Variants in PIKFYVE observed in about 807,000 individuals in gnomAD.
The protein encoded by PIKFYVE is phosphoinositide kinase, FYVE-type zinc finger containing.
Under a neutral mutation model 257.9 loss-of-function variants are expected in PIKFYVE, and 122 were observed. The observed-to-expected ratio is 0.47, with a 90% CI of 0.41 to 0.55. The LOEUF is 0.55. Ranked by LOEUF, PIKFYVE falls within the 20% of genes least tolerant of loss-of-function variation. The pLI is 0.00. For synonymous variants in PIKFYVE, 892 were observed against 868.9 expected, an observed-to-expected ratio of 1.03 and a Z score of -0.47; for missense variants, 2,160 against 2,536.6, an observed-to-expected ratio of 0.85 and a Z score of 3.19.
rs6713613 is a variant in PIKFYVE at position 208,334,200 on chromosome 2, A to G, written c.4142+707A>G. 4.8e-3 allele frequency among the ~76,000 whole-genome samples: 724 copies of G among 152,254 alleles called. 4 individuals are homozygous for G. Among genetic ancestry groups the G allele is most frequent in the African/African-American group, 0.016 (685 of 41,546 alleles). On this transcript the variant is annotated intron_variant, in intron 24 of 41. Coordinates refer to ENST00000264380, the MANE Select transcript of PIKFYVE (RefSeq NM_015040.4). ...TACCACTTTGGGCTGAGCCTCTGTT[A>G]TCTTTCACCTGGATTATTGTAGTAG...
In PIKFYVE at chr2:208,339,513, G is replaced by A; in HGVS notation, c.4768G>A (p.Val1590Met). 1.2e-6 allele frequency: 2 copies of A among 1,614,170 alleles called. No individual in the cohort carries two copies. Among genetic ancestry groups the A allele is most frequent in the Non-Finnish European group, 1.7e-6 (2 of 1,180,038 alleles). ...ACCTGAAGTCATGTCTGAACAGTCA[G>A]TGGGAGGGCCCCCTGAGCTAGATAC... ...TPPEVMSEQSVGGPPELDTAS... is the reference protein window; with the variant it reads ...TPPEVMSEQSMGGPPELDTAS... The change falls in exon 30 of 42, where the codon GTG becomes ATG. Residue 1590 changes from valine to methionine, a missense_variant. This residue lies in a region of PIKFYVE where 699 missense variants were observed against 855.8 expected (regional missense o/e 0.82). Transcript: ENST00000264380.
At chr2:208,304,525 A>G (rs551091782) in intron 11 of PIKFYVE, among the ~76,000 whole-genome samples, 11 of 152,354 alleles carry the variant, frequency 7.2e-5, no homozygotes, top group African/African-American at 2.2e-4. Flanking sequence ...ACCATAGTCT[A>G]TAGTTTGTAG....
upstream of PIKFYVE, chr2:208,266,152 C>G (rs1044906796): frequency 1.3e-5 from 2 of 152,370 alleles, no homozygotes; most frequent in African/African-American, 4.8e-5. Context: ...TCTGCCTGAG[C>G]ATCTGATCCG....
At chr2:208,353,861 C>T in intron 39 of PIKFYVE, 37 bp from the exon 40 acceptor site, 1 of 1,611,236 alleles carries the variant, frequency 6.2e-7, no homozygotes, top group South Asian at 1.1e-5. Flanking sequence ...TTTGTGGCAA[C>T]CTGTACATAA....
chr2:208,287,602 A>T (rs1174717975), intron 6 of PIKFYVE, among the ~76,000 whole-genome samples: 2 of 150,294 alleles, frequency 1.3e-5, no homozygotes, highest in Non-Finnish European at 3.0e-5. Context: ...ATTAGTTTTT[A>T]TTTATTTATT....
chr2:208,267,738 C>T (rs1688843055), intron 1 of PIKFYVE, among the ~76,000 whole-genome samples: 1 of 152,134 alleles, frequency 6.6e-6, no homozygotes, highest in South Asian at 2.1e-4. Flanking sequence ...AATTCCTGAC[C>T]TCAGGCGATT....
chr2:208,335,230 G>C, intron 24 of PIKFYVE, 76 bp from the exon 25 acceptor site: 1 of 980,738 alleles, frequency 1.0e-6, no homozygotes, highest in South Asian at 1.3e-5. Context: ...GAATATAGTT[G>C]AACATCATGA....
rs138512522 is a variant in PIKFYVE at position 208,297,503 on chromosome 2, A to G, written c.912-1138A>G. Among the ~76,000 whole-genome samples the G allele has an allele frequency of 4.6e-3, 699 of 152,296 alleles. 7 individuals carry two copies. Among genetic ancestry groups the G allele is most frequent in the African/African-American group, 0.016 (653 of 41,578 alleles). ...ATTTTTATCTTTATACTGGGGAAAT[A>G]TTGGTTTTTCAATTGACACCTAATT... On this transcript the variant is annotated intron_variant, in intron 7 of 41. Coordinates refer to ENST00000264380, the MANE Select transcript of PIKFYVE (RefSeq NM_015040.4).
At chr2:208,272,900 C>T (rs1370520963) in intron 2 of PIKFYVE, among the ~76,000 whole-genome samples, 2 of 152,090 alleles carry the variant, frequency 1.3e-5, no homozygotes, top group Admixed American at 6.5e-5. Flanking sequence ...TAACATTTTA[C>T]ATTAGTCTGG....
chr2:208,267,656 G>A (rs1335348368), intron 1 of PIKFYVE, among the ~76,000 whole-genome samples: 1 of 151,848 alleles, frequency 6.6e-6, no homozygotes, highest in East Asian at 1.9e-4. Context: ...GCAGGCGCGC[G>A]ACACCACACT....
At chr2:208,322,830 A>G (rs1426964114) in intron 17 of PIKFYVE, among the ~76,000 whole-genome samples, 1 of 147,324 alleles carries the variant, frequency 6.8e-6, no homozygotes, top group East Asian at 2.0e-4. Flanking sequence ...ATATCTCCTA[A>G]TGCTATCCCT....
chr2:208,328,353 A>G, intron 21 of PIKFYVE, 73 bp downstream of exon 21: 1 of 1,585,362 alleles, frequency 6.3e-7, no homozygotes, highest in Non-Finnish European at 8.6e-7. Context: ...ACAAAAACAA[A>G]AAAACAGTCA....
chr2:208,332,718 T>G (rs1404545288), intron 23 of PIKFYVE, among the ~76,000 whole-genome samples: 1 of 152,134 alleles, frequency 6.6e-6, no homozygotes, highest in African/African-American at 2.4e-5. Context: ...ACAAATATAC[T>G]GGCTGTGTGT....
chr2:208,323,096 A>C (rs183187494), intron 17 of PIKFYVE, among the ~76,000 whole-genome samples: 1,580 of 145,282 alleles, frequency 0.011, 10 homozygotes, highest in Non-Finnish European at 0.016. Flanking sequence ...TTTTTATTTT[A>C]TTTTTTATTT....
At chr2:208,267,529 C>CA (rs1688813203) in intron 1 of PIKFYVE, among the ~76,000 whole-genome samples, 1 of 84,992 alleles carries the variant, frequency 1.2e-5, no homozygotes, top group South Asian at 4.2e-4. Context: ...TTTTGAGAGA[C>CA]AGAGTCTCGC....
intron 36 of PIKFYVE, 51 bp from the exon 37 acceptor site, chr2:208,350,720 A>G (rs1574762881): frequency 6.3e-7 from 1 of 1,593,202 alleles, no homozygotes; most frequent in South Asian, 1.1e-5. Context: ...GGAGGAGGAA[A>G]GATATTTTCT....
At chr2:208,330,001 A>G in intron 22 of PIKFYVE, 88 bp downstream of exon 22, 1 of 1,528,886 alleles carries the variant, frequency 6.5e-7, no homozygotes. Context: ...TCGGATGTTA[A>G]GTGACTGTTA....
chr2:208,313,399 A>G (rs1455642449), intron 13 of PIKFYVE, among the ~76,000 whole-genome samples: 2 of 151,934 alleles, frequency 1.3e-5, no homozygotes, highest in Non-Finnish European at 2.9e-5. Context: ...TTGTTAAAAA[A>G]CCCCTGTGCC....
intron 24 of PIKFYVE, among the ~76,000 whole-genome samples, chr2:208,335,037 C>G (rs575773967): frequency 6.6e-6 from 1 of 151,948 alleles, no homozygotes; most frequent in African/African-American, 2.4e-5. Context: ...TTATAACAAT[C>G]GTTTTTGGTT....
Sources: allele counts gnomAD v4.1 joint callset (sites outside exome capture counted in the v4.1 genomes callset), GRCh38; gene constraint gnomAD v4.1.1; regional missense constraint gnomAD v4.1.1; transcripts MANE v1.5; gene names NCBI Gene and HGNC (gene_info 2026-07-23, HGNC 2026-07-21).